ACVR1: variants seen among roughly 807,000 people sequenced by gnomAD.
ACVR1 encodes the protein activin receptor type-1.
In ACVR1, 38 loss-of-function variants were observed where a neutral mutation model predicts 57.1. The ratio of observed to expected loss-of-function variants is 0.67; its 90% confidence interval spans 0.51 to 0.87. The LOEUF (loss-of-function observed/expected upper bound fraction) is 0.87, where lower values mean the gene tolerates loss of function less well. ACVR1 is among the 40% of genes least tolerant of loss of function. The pLI is 0.00. For synonymous variants in ACVR1, 212 were observed against 228.1 expected (o/e 0.93, Z 0.63); for missense variants, 463 against 638.2 (o/e 0.73, Z 2.96).
chr2:157,819,865 T>C (rs969514905), intron 1 of ACVR1, among the ~76,000 whole-genome samples: 3 of 152,096 alleles, frequency 2.0e-5, no homozygotes, highest in African/African-American at 7.2e-5. Flanking sequence ...AACCAAACTT[T>C]CCCATTCAAA....
At chr2:157,772,193 T>C (rs149246962) in intron 6 of ACVR1, among the ~76,000 whole-genome samples, 2 of 152,286 alleles carry the variant, frequency 1.3e-5, no homozygotes, top group Admixed American at 6.5e-5. Flanking sequence ...TTTTTGCAAA[T>C]TCATCATTAT....
At chr2:157,770,248 A>G in intron 7 of ACVR1, 120 bp downstream of exon 7, 3 of 1,047,852 alleles carry the variant, frequency 2.9e-6, no homozygotes, top group Non-Finnish European at 4.4e-6. Context: ...AATGCTAAGG[A>G]TCCCTATATT....
chr2:157,865,749 C>T (rs1436357991), intron 1 of ACVR1, among the ~76,000 whole-genome samples: 1 of 147,678 alleles, frequency 6.8e-6, no homozygotes, highest in Non-Finnish European at 1.5e-5. Context: ...GAGCCGATAT[C>T]GCGCCACTGC....
intron 3 of ACVR1, among the ~76,000 whole-genome samples, chr2:157,797,774 A>G (rs1559062915): frequency 6.6e-6 from 1 of 152,166 alleles, no homozygotes; most frequent in Non-Finnish European, 1.5e-5. Flanking sequence ...ACAACTAAGA[A>G]TTAGACTCCT....
Position 157,866,758 on chromosome 2 carries a change from CTG to C in ACVR1, c.-183+9036_-183+9037del, listed in dbSNP as rs1207777698. ...GTTTCCCATGTTCAAAAGTTGGAGA[CTG>C]TTATTTTACTCCTCTATTCGGATAA... On this transcript the variant is annotated intron_variant, in intron 1 of 10. Transcript: ENST00000434821. 2.6e-5 allele frequency among the ~76,000 whole-genome samples: 4 copies of C among 152,324 alleles called. 1 individual carries two copies. Among genetic ancestry groups the C allele is most frequent in the African/African-American group, 9.6e-5 (4 of 41,574 alleles).
intron 1 of ACVR1, among the ~76,000 whole-genome samples, chr2:157,854,954 G>A (rs532400463): frequency 2.0e-5 from 3 of 151,722 alleles, no homozygotes; most frequent in South Asian, 2.1e-4. Flanking sequence ...CAGAAGAATC[G>A]CTTGAACCCG....
intron 2 of ACVR1, among the ~76,000 whole-genome samples, chr2:157,804,842 T>C (rs886563235): frequency 6.6e-6 from 1 of 152,338 alleles, no homozygotes. Context: ...ACTTTCCAAA[T>C]CCCATGTTAC....
intron 1 of ACVR1, among the ~76,000 whole-genome samples, chr2:157,826,971 A>C (rs140640594): frequency 1.2e-3 from 181 of 151,980 alleles, no homozygotes; most frequent in African/African-American, 3.9e-3. Context: ...GAAAGAAAAA[A>C]AAACAAAAAG....
At chr2:157,791,989 A>T (rs1285961009) in intron 3 of ACVR1, among the ~76,000 whole-genome samples, 1 of 152,164 alleles carries the variant, frequency 6.6e-6, no homozygotes, top group Non-Finnish European at 1.5e-5. Context: ...TTTCTGAATG[A>T]ATCTGTTTTG....
At chr2:157,768,904 C>T (rs1479978794) in intron 7 of ACVR1, among the ~76,000 whole-genome samples, 1 of 152,176 alleles carries the variant, frequency 6.6e-6, no homozygotes, top group Non-Finnish European at 1.5e-5. Flanking sequence ...TAGTAATGAT[C>T]CATTGCATGT....
intron 1 of ACVR1, among the ~76,000 whole-genome samples, chr2:157,819,158 C>A (rs1191967258): frequency 5.3e-5 from 8 of 149,842 alleles, no homozygotes; most frequent in Admixed American, 4.6e-4. Flanking sequence ...AAAGCCTATA[C>A]ACTATGTACT....
intron 1 of ACVR1, among the ~76,000 whole-genome samples, chr2:157,824,170 C>T (rs755272325): frequency 3.9e-5 from 6 of 152,168 alleles, no homozygotes; most frequent in Non-Finnish European, 7.3e-5. Flanking sequence ...TTTGACTCAT[C>T]AAAATAGCAA....
At chr2:157,800,903 T>C (rs957664072) in intron 2 of ACVR1, among the ~76,000 whole-genome samples, 2 of 151,760 alleles carry the variant, frequency 1.3e-5, no homozygotes, top group Non-Finnish European at 2.9e-5. Flanking sequence ...TCCACCCCTC[T>C]CCAACCCCAT....
chr2:157,745,809 G>T (rs913728314), intron 9 of ACVR1, among the ~76,000 whole-genome samples: 2 of 152,162 alleles, frequency 1.3e-5, no homozygotes, highest in African/African-American at 4.8e-5. Context: ...ACAAAAATAG[G>T]AGTTGTCATG....
intron 1 of ACVR1, among the ~76,000 whole-genome samples, chr2:157,870,034 C>T (rs548053183): frequency 1.3e-5 from 2 of 152,324 alleles, no homozygotes; most frequent in South Asian, 2.1e-4. Flanking sequence ...TCACCCCAAG[C>T]GTAGCCAACA....
chr2:157,755,003 A>G lies in ACVR1; in HGVS notation c.1264+5877T>C, dbSNP rs143138821. ...ACACCACATAAACAGAAATAAAAAC[A>G]AAAATCACATGATCATCTCAACAGA... is the stretch of plus-strand genomic sequence containing the variant. On this transcript the variant is annotated intron_variant, in intron 9 of 10. Transcript: ENST00000434821. Among the ~76,000 whole-genome samples, 18 of 152,310 alleles carry G rather than the reference A, an allele frequency of 1.2e-4. No homozygotes were observed. In the East Asian group the frequency reaches 3.5e-3, roughly 29 times the overall value.
At chr2:157,747,929 C>T (rs957972746) in intron 9 of ACVR1, among the ~76,000 whole-genome samples, 3 of 152,162 alleles carry the variant, frequency 2.0e-5, no homozygotes, top group Non-Finnish European at 2.9e-5. Context: ...AGCACAGAAG[C>T]TCAACCCACA....
intron 3 of ACVR1, among the ~76,000 whole-genome samples, chr2:157,792,333 G>A (rs1686947797): frequency 6.6e-6 from 1 of 152,172 alleles, no homozygotes; most frequent in South Asian, 2.1e-4. Flanking sequence ...CACCCTGCTT[G>A]CAGGGCTCAG....
chr2:157,761,432 G>C (rs544105579), intron 8 of ACVR1, among the ~76,000 whole-genome samples: 1 of 152,274 alleles, frequency 6.6e-6, no homozygotes, highest in Non-Finnish European at 1.5e-5. Flanking sequence ...GGCTTAACAA[G>C]AAGCAAATTA....
Sources: allele counts gnomAD v4.1 joint callset (sites outside exome capture counted in the v4.1 genomes callset), GRCh38; gene constraint gnomAD v4.1.1; transcripts MANE v1.5; gene names NCBI Gene and HGNC (gene_info 2026-07-23, HGNC 2026-07-21).